NOP9: variants seen among roughly 807,000 people sequenced by gnomAD.
The protein encoded by NOP9 is NOP9 nucleolar protein, also known as nucleolar protein 9.
In NOP9, 50 loss-of-function variants were observed where a neutral mutation model predicts 63.0. The ratio of observed to expected loss-of-function variants is 0.79; its 90% CI spans 0.63 to 1.00. NOP9 has a LOEUF of 1.00. Ranked by LOEUF, NOP9 falls within the 50% of genes least tolerant of loss-of-function variation. The probability of loss-of-function intolerance (pLI) is 0.00; values close to 1 mark genes in which losing one functional copy is unlikely to be tolerated. For missense variants in NOP9, 758 were observed against 803.0 expected, an observed-to-expected ratio of 0.94 and a Z score of 0.68; for synonymous variants, 343 against 332.8, an observed-to-expected ratio of 1.03 and a Z score of -0.33.
In NOP9 at chr14:24,306,592, A is replaced by G. The variant is rs2041516503; in HGVS notation, c.*1497A>G. ...CCCCTTCCCTCTTTAGCTGCCCAAC[A>G]TCCATCAGTTGGCTCTAGACATTGG... On this transcript the variant is annotated 3_prime_UTR_variant, in exon 10 of 10. Coordinates refer to ENST00000267425, the MANE Select transcript of NOP9 (RefSeq NM_174913.3). The G allele has an allele frequency of 6.3e-7, 1 of 1,596,180 alleles. No individual in the cohort carries two copies. The highest frequency in any genetic ancestry group is 8.6e-7 in the Non-Finnish European group (1 of 1,164,864).
At chr14:24,296,021 C>G (rs1195050164), upstream of NOP9, among the ~76,000 whole-genome samples, 2 of 152,212 alleles carry the variant, frequency 1.3e-5, no homozygotes, top group African/African-American at 4.8e-5. Context: ...CTAAATGACC[C>G]TGTGTGACCC....
At position 24,307,780 on chromosome 14, in the gene NOP9, C is replaced by T; in HGVS notation, c.*2685C>T. 6.4e-6 allele frequency: 10 copies of T among 1,571,206 alleles called. No individual in the cohort carries two copies. The highest frequency in any genetic ancestry group is 8.7e-6 in the Non-Finnish European group (10 of 1,155,412). On this transcript the variant is annotated 3_prime_UTR_variant, in exon 10 of 10. Coordinates refer to ENST00000267425, the MANE Select transcript of NOP9 (RefSeq NM_174913.3). ...GAGTATTGTTGCCCTGCCTATATCC[C>T]CTAAAGGTGGAGGGTAGAGCGGAGG...
At chr14:24,296,588 T>C (rs1276740293), upstream of NOP9, 2 of 1,613,756 alleles carry the variant, frequency 1.2e-6, no homozygotes, top group Non-Finnish European at 1.7e-6. Flanking sequence ...TTCAGGATCG[T>C]CTGGAAGGCA....
At chr14:24,276,571 A>G in the NOP9 span, among the ~76,000 whole-genome samples, 1 of 152,108 alleles carries the variant, frequency 6.6e-6, no homozygotes, top group Non-Finnish European at 1.5e-5. Context: ...GACTGCAGGC[A>G]TGAGCCACCG....
At chr14:24,274,423 G>T in the NOP9 span, among the ~76,000 whole-genome samples, 1 of 152,150 alleles carries the variant, frequency 6.6e-6, no homozygotes, top group South Asian at 2.1e-4. Context: ...ACGTGAAGGT[G>T]GGGGAGAGAA....
rs1169912992 is a variant in NOP9, at chr14:24,307,891, TG to T, written c.*2799del. 1 of 1,562,578 alleles carries T rather than the reference TG, an allele frequency of 6.4e-7. No homozygotes were observed. Among genetic ancestry groups the T allele is most frequent in the Admixed American group, 1.9e-5 (1 of 52,834 alleles). ...CGGAGAGTTCCTTCCCTGGAACTTC[TG>T]GGCTGGGTGGTTCTCTCCTGTGCTG... On this transcript the variant is annotated 3_prime_UTR_variant, in exon 10 of 10. Transcript: ENST00000267425.
At chr14:24,284,402 G>C in the NOP9 span, among the ~76,000 whole-genome samples, 3 of 152,200 alleles carry the variant, frequency 2.0e-5, no homozygotes, top group Non-Finnish European at 4.4e-5. Context: ...CAGCTGACCA[G>C]GAGATGGAGG....
chr14:24,301,393 G>A (rs892826533), intron 2 of NOP9, among the ~76,000 whole-genome samples: 6 of 152,198 alleles, frequency 3.9e-5, no homozygotes, highest in Non-Finnish European at 8.8e-5. Context: ...GGCTGAGGAG[G>A]TTGAACTGTC....
chr14:24,301,509 G>A (rs1174317659), intron 2 of NOP9, 103 bp from the exon 3 acceptor site: 1 of 1,409,804 alleles, frequency 7.1e-7, no homozygotes, highest in Non-Finnish European at 9.9e-7. Flanking sequence ...TACTACATCT[G>A]TTCTGCATCT....
chr14:24,301,573 G>A (rs768027387), intron 2 of NOP9, 39 bp from the exon 3 acceptor site: 24 of 1,608,096 alleles, frequency 1.5e-5, no homozygotes, highest in Non-Finnish European at 2.0e-5. Context: ...ATGGCAGTTT[G>A]TGATCTCCCC....
At chr14:24,296,912 T>G (rs1255797210), upstream of NOP9, 5 of 1,613,760 alleles carry the variant, frequency 3.1e-6, no homozygotes, top group Non-Finnish European at 4.2e-6. Context: ...TGAGCTCACA[T>G]TCACACATGG....
rs1566416088 is a variant in NOP9 at position 24,306,078 on chromosome 14, G to T, written c.*983G>T. 1.2e-6 allele frequency: 2 copies of T among 1,614,010 alleles called. No homozygotes were observed. The stretch of plus-strand genomic sequence containing the variant: ...GCTTGTACACGTCAAAGGTGAATCG[G>T]GCGATGTCCTTGCTGTGCTTGGGCC... On this transcript the variant is annotated 3_prime_UTR_variant, in exon 10 of 10. Coordinates refer to ENST00000267425, the MANE Select transcript of NOP9 (RefSeq NM_174913.3).
upstream of NOP9, among the ~76,000 whole-genome samples, chr14:24,297,706 C>T (rs1302190882): frequency 6.6e-6 from 1 of 152,320 alleles, no homozygotes; most frequent in East Asian, 1.9e-4. Flanking sequence ...CCACTCTTTC[C>T]TCTCCAGCCT....
chr14:24,306,226 T>G lies in NOP9; in HGVS notation c.*1131T>G. On this transcript the variant is annotated 3_prime_UTR_variant, in exon 10 of 10. Coordinates refer to ENST00000267425, the MANE Select transcript of NOP9 (RefSeq NM_174913.3). Reference sequence around the variant, plus strand: ...AGCACTGGGTCAGACCCTCCCTCGCTTGGACTTTCTGTCCACTGTGTGACA... The same window carrying G: ...AGCACTGGGTCAGACCCTCCCTCGCGTGGACTTTCTGTCCACTGTGTGACA... The G allele has an allele frequency of 6.5e-7, 1 of 1,528,424 alleles. No homozygotes were observed. Among genetic ancestry groups the G allele is most frequent in the Non-Finnish European group, 9.0e-7 (1 of 1,115,232 alleles). 94.7% of individuals were successfully genotyped at this position (1,528,424 alleles called of 1,614,324 possible).
chr14:24,292,657 C>T, the NOP9 span: 1 of 1,614,258 alleles, frequency 6.2e-7, no homozygotes, highest in Non-Finnish European at 8.5e-7. Flanking sequence ...CTCACCGCAG[C>T]TTTGCCCACA....
At chr14:24,286,717 C>T in the NOP9 span, among the ~76,000 whole-genome samples, 1 of 151,906 alleles carries the variant, frequency 6.6e-6, no homozygotes, top group African/African-American at 2.4e-5. Flanking sequence ...CTCAGCCTCC[C>T]GAGTAGCTGG....
rs776821155 is a variant in NOP9 at position 24,307,820 on chromosome 14, G to A, written c.*2725G>A. The A allele has an allele frequency of 1.3e-6, 2 of 1,594,906 alleles. No individual in the cohort carries two copies. On this transcript the variant is annotated 3_prime_UTR_variant, in exon 10 of 10. Coordinates refer to ENST00000267425, the MANE Select transcript of NOP9 (RefSeq NM_174913.3). ...TAGAGCGGAGGGTTAGCAGTCACCT[G>A]AGTAAGTCACTGGGGTTCAGAGCTG...
chr14:24,276,042 A>T, the NOP9 span, among the ~76,000 whole-genome samples: 56 of 152,274 alleles, frequency 3.7e-4, no homozygotes, highest in African/African-American at 1.3e-3. Flanking sequence ...TGAGGAACTG[A>T]ATTTTTCATT....
At chr14:24,300,361 T>G in intron 1 of NOP9, 47 bp from the exon 2 acceptor site, 1 of 1,578,496 alleles carries the variant, frequency 6.3e-7, no homozygotes, top group Non-Finnish European at 8.6e-7. Flanking sequence ...TACATAACTG[T>G]ATTCTCTACT....
Sources: allele counts gnomAD v4.1 joint callset (sites outside exome capture counted in the v4.1 genomes callset), GRCh38; gene constraint gnomAD v4.1.1; transcripts MANE v1.5; gene names NCBI Gene and HGNC (gene_info 2026-07-23, HGNC 2026-07-21).